The following TMEM131 variants were observed in gnomAD, a reference collection of about 807,000 sequenced individuals.
The protein encoded by TMEM131 is 2610524E03Rik.
In TMEM131, 66 loss-of-function variants were observed where a neutral mutation model predicts 211.6. The ratio of observed to expected loss-of-function variants is 0.31; its 90% CI spans 0.26 to 0.38. TMEM131 has a LOEUF of 0.38. TMEM131 is among the 10% of genes least tolerant of loss of function. TMEM131 has a pLI of 1.00. For synonymous variants in TMEM131, 844 were observed against 841.3 expected (o/e 1.00, Z -0.06); for missense variants, 2,036 against 2,299.3 (o/e 0.89, Z 2.34).
At chr2:97,812,833 T>C in intron 15 of TMEM131, 84 bp from the exon 16 acceptor site, 1 of 741,238 alleles carries the variant, frequency 1.3e-6, no homozygotes, top group Non-Finnish European at 2.1e-6. Context: ...ATATTAAAGA[T>C]GTATTAAAGT....
At chr2:97,796,437 T>C in intron 27 of TMEM131, 33 bp from the exon 28 acceptor site, 1 of 1,364,930 alleles carries the variant, frequency 7.3e-7, no homozygotes, top group Non-Finnish European at 9.9e-7. Flanking sequence ...TAAGACTAAA[T>C]CTTGCCATCA....
chr2:97,792,127 G>A (rs1680523400), intron 31 of TMEM131, among the ~76,000 whole-genome samples: 1 of 152,112 alleles, frequency 6.6e-6, no homozygotes, highest in South Asian at 2.1e-4. Flanking sequence ...CACAATCTCA[G>A]GCAGCTGAAA....
At chr2:97,944,117 A>T (rs184379969) in intron 1 of TMEM131, among the ~76,000 whole-genome samples, 119 of 152,188 alleles carry the variant, frequency 7.8e-4, no homozygotes, top group Non-Finnish European at 2.4e-4. Flanking sequence ...AGATAAACCT[A>T]ATCAAATAGA....
chr2:97,901,419 C>T (rs1675848192), intron 3 of TMEM131, among the ~76,000 whole-genome samples: 1 of 152,120 alleles, frequency 6.6e-6, no homozygotes, highest in Non-Finnish European at 1.5e-5. Context: ...GTTGACCCAG[C>T]AATTCCACTA....
chr2:97,861,001 G>A (rs371734846), intron 4 of TMEM131, among the ~76,000 whole-genome samples: 2 of 152,158 alleles, frequency 1.3e-5, no homozygotes, highest in African/African-American at 4.8e-5. Flanking sequence ...GGACAGTGCA[G>A]CGACTGTGAG....
intron 3 of TMEM131, among the ~76,000 whole-genome samples, chr2:97,906,370 A>AC (rs1338547002): frequency 1.3e-5 from 2 of 152,216 alleles, no homozygotes; most frequent in East Asian, 3.8e-4. Flanking sequence ...TCACACACAC[A>AC]CAAAATGTAA....
intron 1 of TMEM131, among the ~76,000 whole-genome samples, chr2:97,968,919 C>T (rs1045018787): frequency 1.5e-5 from 1 of 65,384 alleles, no homozygotes; most frequent in African/African-American, 9.2e-5. Flanking sequence ...CTCATCTCTA[C>T]TAAAGAAAAA....
Position 97,995,782 on chromosome 2 carries a change from G to A in TMEM131, c.-120C>T. On this transcript the variant is annotated 5_prime_UTR_variant, in exon 1 of 41. Coordinates refer to ENST00000186436, the MANE Select transcript of TMEM131 (RefSeq NM_015348.2). ...CGGCGCCGGGAGCGACAACGGTTGC[G>A]AGCCCGGGGCTCGATCTCCGAGCGT... 12 of 706,116 alleles carry A rather than the reference G, an allele frequency of 1.7e-5. No individual in the cohort carries two copies. The highest frequency in any genetic ancestry group is 2.2e-5 in the Non-Finnish European group (12 of 541,748). The allele number at this position is 706,116 out of a possible 1,614,324, so 43.7% of individuals were successfully genotyped here.
chr2:97,935,005 G>C (rs1330489632), intron 1 of TMEM131, among the ~76,000 whole-genome samples: 1 of 150,760 alleles, frequency 6.6e-6, no homozygotes, highest in African/African-American at 2.4e-5. Context: ...AAAAAAAAAT[G>C]ATAAATTGTT....
chr2:97,796,925 T>A lies in TMEM131; in HGVS notation c.2932A>T (p.Arg978Trp), dbSNP rs1369190004. Reference protein sequence around the residue: ...VQGQGTTENLRVAGKLPGPGS... With the variant: ...VQGQGTTENLWVAGKLPGPGS... ...GGACCTGGAAGCTTGCCTGCCACCC[T>A]CAAGTTCTCAGTTGTTCCTTGTCCT... is the stretch of plus-strand genomic sequence containing the variant. The change falls in exon 27 of 41, where the codon AGG becomes TGG. Residue 978 changes from arginine (R) to tryptophan (W), a missense_variant. Physicochemically the swap from Arg to Trp is moderately radical, Grantham distance 101. Coordinates refer to ENST00000186436, the MANE Select transcript of TMEM131 (RefSeq NM_015348.2). The A allele has an allele frequency of 6.2e-7, 1 of 1,613,868 alleles. No individual in the cohort carries two copies. The highest frequency in any genetic ancestry group is 2.2e-5 in the East Asian group (1 of 44,884).
At chr2:97,881,930 T>TA (rs1355375659) in intron 4 of TMEM131, among the ~76,000 whole-genome samples, 1 of 152,172 alleles carries the variant, frequency 6.6e-6, no homozygotes, top group African/African-American at 2.4e-5. Context: ...GGAAAAAACA[T>TA]ACAATAACTT....
chr2:97,954,686 G>A (rs1678479936), intron 1 of TMEM131, among the ~76,000 whole-genome samples: 1 of 151,360 alleles, frequency 6.6e-6, no homozygotes, highest in Admixed American at 6.6e-5. Flanking sequence ...TGCGCCTGTA[G>A]TTCCAGCTAC....
intron 31 of TMEM131, among the ~76,000 whole-genome samples, chr2:97,776,395 C>CGT (rs1679731882): frequency 6.6e-6 from 1 of 152,130 alleles, no homozygotes; most frequent in African/African-American, 2.4e-5. Context: ...GAAAACAAAG[C>CGT]AATTACAACT....
chr2:97,921,235 A>C (rs1559448634), intron 2 of TMEM131, among the ~76,000 whole-genome samples: 1 of 152,178 alleles, frequency 6.6e-6, no homozygotes, highest in Non-Finnish European at 1.5e-5. Flanking sequence ...TTTATGAATA[A>C]GGTGTCACTG....
intron 2 of TMEM131, among the ~76,000 whole-genome samples, chr2:97,923,590 C>T (rs1676835689): frequency 7.2e-6 from 1 of 139,798 alleles, no homozygotes; most frequent in Non-Finnish European, 1.5e-5. Context: ...CCACTGGCCT[C>T]CAGCATGGGT....
At chr2:97,881,724 G>A (rs113934486) in intron 4 of TMEM131, among the ~76,000 whole-genome samples, 1,179 of 16,262 alleles carry the variant, frequency 0.073, 2 homozygotes, top group Non-Finnish European at 0.11. Context: ...AAAAAAAAAA[G>A]GGGGGGGGGC....
At chr2:97,830,398 A>C (rs967677062) in intron 11 of TMEM131, among the ~76,000 whole-genome samples, 2 of 152,220 alleles carry the variant, frequency 1.3e-5, no homozygotes, top group African/African-American at 2.4e-5. Flanking sequence ...GCAAGCTTGC[A>C]TATGTTCTAA....
chr2:97,759,611 C>T (rs1467158777), intron 39 of TMEM131, 41 bp downstream of exon 39: 1 of 1,510,508 alleles, frequency 6.6e-7, no homozygotes, highest in African/African-American at 1.4e-5. Context: ...CTTCCTCTGT[C>T]CACAGGCTTA....
rs747879544 is a variant in TMEM131 at position 97,834,862 on chromosome 2, T to A, written c.868A>T (p.Asn290Tyr). ...RASFSSREAD[N>Y]HTAFIRIKTN... ...TTTATTCTTATGAAGGCTGTGTGAT[T>A]ATCTGCTTCTCTAGATGAAAAACTG... Residue 290 changes from asparagine to tyrosine, a missense_variant, in exon 9 of 41, where the codon AAT becomes TAT. This residue lies in a region of TMEM131 where 277 missense variants were observed against 378.0 expected (regional missense o/e 0.73). Coordinates refer to ENST00000186436, the MANE Select transcript of TMEM131 (RefSeq NM_015348.2). 1 of 1,613,866 alleles carries A rather than the reference T, an allele frequency of 6.2e-7. No homozygotes were observed. Among genetic ancestry groups the A allele is most frequent in the Non-Finnish European group, 8.5e-7 (1 of 1,179,814 alleles).
Sources: gnomAD v4.1 joint callset for allele counts (sites outside exome capture counted in the v4.1 genomes callset) on GRCh38, gnomAD v4.1.1 for gene constraint, gnomAD v4.1.1 regional missense constraint, MANE v1.5 for transcripts, NCBI Gene and HGNC (gene_info 2026-07-23, HGNC 2026-07-21) for gene names.